SLC39A13: variants seen among roughly 807,000 people sequenced by gnomAD.
SLC39A13 encodes solute carrier family 39 member 13, also known as zinc transporter ZIP13.
Under a neutral mutation model 38.7 loss-of-function variants are expected in SLC39A13, and 18 were observed. That is an observed-to-expected ratio of 0.47 (90% CI 0.32 to 0.69). SLC39A13 has a LOEUF of 0.69. SLC39A13 is among the 30% of genes least tolerant of loss of function. The pLI is 0.03. For synonymous variants in SLC39A13, 212 were observed against 219.1 expected, an observed-to-expected ratio of 0.97 and a Z score of 0.29; for missense variants, 395 against 490.7, an observed-to-expected ratio of 0.80 and a Z score of 1.84.
At position 47,413,463 on chromosome 11, in the gene SLC39A13, C is replaced by T; in HGVS notation, c.601C>T (p.Pro201Ser). The T allele has an allele frequency of 6.2e-7, 1 of 1,614,052 alleles. No individual in the cohort carries two copies. The highest frequency in any genetic ancestry group is 8.5e-7 in the Non-Finnish European group (1 of 1,179,970). ...ALNGGHCLAQ[P>S]AAEPGLGAVV... ...CAATGGAGGCCACTGTCTGGCCCAG[C>T]CGGCTGCAGAGCCCGGCCTCGGTGC... Residue 201 changes from proline (P) to serine (S), a missense_variant, in exon 5 of 10, where the codon CCG becomes TCG. Physicochemically the swap from Pro to Ser is moderately conservative, Grantham distance 74 (BLOSUM62 -1). Transcript: ENST00000362021.
intron 1 of SLC39A13, 196 bp from the exon 2 acceptor site, chr11:47,409,891 A>C (rs2095988809): frequency 1.6e-6 from 1 of 614,090 alleles, no homozygotes; most frequent in Admixed American, 2.9e-5. Context: ...AAAAATACGC[A>C]GTGCTCAGGA....
intron 6 of SLC39A13, 123 bp downstream of exon 6, chr11:47,413,809 C>T (rs2096011909): frequency 2.0e-6 from 2 of 1,020,174 alleles, no homozygotes; most frequent in East Asian, 2.6e-5. Flanking sequence ...AGGCTCTCAT[C>T]CCCCATCCTC....
chr11:47,415,056 G>T lies in SLC39A13; in HGVS notation c.937G>T (p.Ala313Ser), dbSNP rs200829272. Residue 313 changes from alanine to serine, a missense_variant, in exon 9 of 10, where the codon GCA becomes TCA. Physicochemically the swap from Ala to Ser is moderately conservative, Grantham distance 99 (BLOSUM62 1). Coordinates refer to ENST00000362021, the MANE Select transcript of SLC39A13 (RefSeq NM_001128225.3). ...PKGVVGCSPA[A>S]EETAAWVLPF... ...GTACCCAGTTGGGTGTTCTCCCGCT[G>T]CAGAGGAGACGGCAGCCTGGGTCCT... is the stretch of plus-strand genomic sequence containing the variant. 1 of 1,613,488 alleles carries T rather than the reference G, an allele frequency of 6.2e-7. No homozygotes were observed. Among genetic ancestry groups the T allele is most frequent in the Non-Finnish European group, 8.5e-7 (1 of 1,179,720 alleles).
chr11:47,410,045 C>G lies in SLC39A13; in HGVS notation c.-8-42C>G, dbSNP rs1316781691. On this transcript the variant is annotated intron_variant, in intron 1 of 9. Coordinates refer to ENST00000362021, the MANE Select transcript of SLC39A13 (RefSeq NM_001128225.3). ...CCACGTTTCCTAAGCAGGTGTGCGG[C>G]CAAGGCTGTAGCTCATATAGGTGGC... is the stretch of plus-strand genomic sequence containing the variant. 3.1e-6 allele frequency: 5 copies of G among 1,609,550 alleles called. No individual in the cohort carries two copies. The African/African-American group carries it at 6.7e-5, about 21-fold the overall frequency.
chr11:47,408,747 C>G (rs942904704), intron 1 of SLC39A13, 85 bp downstream of exon 1: 2 of 152,626 alleles, frequency 1.3e-5, no homozygotes, highest in African/African-American at 4.8e-5. Context: ...TGGTCCTCAT[C>G]AGACCTGGGC....
At chr11:47,409,824 A>C in intron 1 of SLC39A13, 2 of 432,814 alleles carry the variant, frequency 4.6e-6, no homozygotes, top group Non-Finnish European at 4.2e-6. Context: ...CCCTGTCATT[A>C]GGGAAAGTTT....
Position 47,415,145 on chromosome 11 carries a change from A to G in SLC39A13, c.1026A>G (p.Glu342=). 1 of 1,612,302 alleles carries G rather than the reference A, an allele frequency of 6.2e-7. No homozygotes were observed. Among genetic ancestry groups the G allele is most frequent in the Non-Finnish European group, 8.5e-7 (1 of 1,179,190 alleles). The change falls in exon 9 of 10, where the codon GAA becomes GAG. Residue 342 remains glutamate, a synonymous_variant. Transcript: ENST00000362021. ...TGAACGTGCTCCCTGACCTCTTGGA[A>G]GAAGAGGACCCGTGGTGAGTGACCT... ...ALVNVLPDLL[E]EEDPWRSLQQ...
rs750637189 is a variant in SLC39A13 at position 47,415,382 on chromosome 11, C to G, written c.*19C>G. ...GGATTAACTTTCCCTGATGCCGACG[C>G]CCCTGCCCCCTGCAGCAATAAGATG... On this transcript the variant is annotated 3_prime_UTR_variant, in exon 10 of 10. Coordinates refer to ENST00000362021, the MANE Select transcript of SLC39A13 (RefSeq NM_001128225.3). The G allele has an allele frequency of 3.1e-6, 5 of 1,612,762 alleles. No homozygotes were observed. In the East Asian group the frequency reaches 1.1e-4, roughly 36 times the overall value.
Position 47,415,490 on chromosome 11 carries a change from G to C in SLC39A13, c.*127G>C, listed in dbSNP as rs982876388. ...AGAGAATGAGCCTCCCGCCAGACAG[G>C]AGGGAGGTGCGTGTGGATGTATGTG... On this transcript the variant is annotated 3_prime_UTR_variant, in exon 10 of 10. Transcript: ENST00000362021. 9.5e-7 allele frequency: 1 copy of C among 1,057,630 alleles called. No homozygotes were observed. The highest frequency in any genetic ancestry group is 1.4e-6 in the Non-Finnish European group (1 of 694,820). 65.5% of individuals were successfully genotyped at this position (1,057,630 alleles called of 1,614,324 possible). A position where few individuals can be genotyped will look rare whatever the true frequency, so the allele number is the denominator to read the frequency against.
At chr11:47,413,838 G>A (rs1356889720) in intron 6 of SLC39A13, 152 bp downstream of exon 6, 9 of 858,134 alleles carry the variant, frequency 1.0e-5, no homozygotes, top group South Asian at 5.7e-5. Context: ...TGTCCTGGCC[G>A]CCACTGTTCT....
At chr11:47,415,001 G>C (rs756485801) in intron 8 of SLC39A13, 38 bp from the exon 9 acceptor site, 1 of 1,611,186 alleles carries the variant, frequency 6.2e-7, no homozygotes, top group South Asian at 1.1e-5. Flanking sequence ...CCCCAGGCCC[G>C]GGAGGTGGGG....
chr11:47,413,713 C>G (rs766970440), intron 6 of SLC39A13, 27 bp downstream of exon 6: 1 of 1,609,562 alleles, frequency 6.2e-7, no homozygotes, highest in African/African-American at 1.3e-5. Flanking sequence ...CAGTGGGGCT[C>G]TGGCGATTCC....
chr11:47,414,351 C>G (rs2153300786), intron 6 of SLC39A13, 74 bp from the exon 7 acceptor site: 1 of 1,526,504 alleles, frequency 6.6e-7, no homozygotes. Flanking sequence ...GAGTAAACCT[C>G]TGTGGAATGA....
chr11:47,412,026 C>CCCTGGTA lies in SLC39A13; in HGVS notation c.402_403insCCTGGTA (p.Ser135ProfsTer9). On this transcript the variant is annotated frameshift_variant, in exon 3 of 10. Coordinates refer to ENST00000362021, the MANE Select transcript of SLC39A13 (RefSeq NM_001128225.3). LOFTEE classifies it high-confidence loss of function. ...TGCCCGAAGCCTGGGCCTACACGTGCAGCGCCAGCCCTGGTAAGTGAGGCC... is the reference window on the plus strand; with the variant it reads ...TGCCCGAAGCCTGGGCCTACACGTGCCCTGGTAAGCGCCAGCCCTGGTAAGTGAGGCC... The CCCTGGTA allele has an allele frequency of 6.2e-7, 1 of 1,610,636 alleles. No homozygotes were observed. The highest frequency in any genetic ancestry group is 1.1e-5 in the South Asian group (1 of 90,342).
In SLC39A13 at chr11:47,415,535, G is replaced by C. The variant is rs2096023376; in HGVS notation, c.*172G>C. The C allele has an allele frequency of 1.3e-6, 1 of 761,086 alleles. No individual in the cohort carries two copies. The highest frequency in any genetic ancestry group is 1.7e-5 in the African/African-American group (1 of 58,420). The allele number at this position is 761,086 out of a possible 1,614,324, so 47.1% of individuals were successfully genotyped here. On this transcript the variant is annotated 3_prime_UTR_variant, in exon 10 of 10. Coordinates refer to ENST00000362021, the MANE Select transcript of SLC39A13 (RefSeq NM_001128225.3). ...TATGTGGTGTGCACATGTGGCCAGA[G>C]GTGTGTGCGCGAGACCGACACTGTG...
At chr11:47,410,876 G>T (rs1360233166) in intron 2 of SLC39A13, among the ~76,000 whole-genome samples, 1 of 152,220 alleles carries the variant, frequency 6.6e-6, no homozygotes, top group Non-Finnish European at 1.5e-5. Context: ...TTACCAGATG[G>T]TTACCCAGCA....
In SLC39A13 at chr11:47,413,062, C is replaced by A. The variant is rs370081734; in HGVS notation, c.538-338C>A. Among the ~76,000 whole-genome samples the A allele has an allele frequency of 4.6e-5, 7 of 152,078 alleles. No individual in the cohort carries two copies. In the South Asian group the frequency reaches 8.3e-4, roughly 18 times the overall value. ...TTTTGAGAAGAGTCTCGCTCTGTCACCCAGGCTGGAGTGCAGTGGCGCGAT... is the reference window on the plus strand; with the variant it reads ...TTTTGAGAAGAGTCTCGCTCTGTCAACCAGGCTGGAGTGCAGTGGCGCGAT... On this transcript the variant is annotated intron_variant, in intron 4 of 9. Coordinates refer to ENST00000362021, the MANE Select transcript of SLC39A13 (RefSeq NM_001128225.3).
At chr11:47,408,713 G>T in intron 1 of SLC39A13, 51 bp downstream of exon 1, 1 of 152,932 alleles carries the variant, frequency 6.5e-6, no homozygotes, top group South Asian at 1.8e-4. Context: ...TGATGGACCC[G>T]GCCGATCCCT....
chr11:47,411,047 G>C (rs1050978668), intron 2 of SLC39A13, among the ~76,000 whole-genome samples: 4 of 152,182 alleles, frequency 2.6e-5, no homozygotes, highest in African/African-American at 9.7e-5. Context: ...GGATGCACAG[G>C]CACAGAGAGG....
Sources: allele counts gnomAD v4.1 joint callset (sites outside exome capture counted in the v4.1 genomes callset), GRCh38; gene constraint gnomAD v4.1.1; transcripts MANE v1.5; gene names NCBI Gene and HGNC (gene_info 2026-07-23, HGNC 2026-07-21).